Variants in TNFRSF8 observed in about 807,000 individuals in gnomAD.
The protein encoded by TNFRSF8 is TNF receptor superfamily member 8, also known as tumor necrosis factor receptor superfamily member 8.
In TNFRSF8, 26 loss-of-function variants were observed where a neutral mutation model predicts 70.8. The observed-to-expected ratio is 0.37, with a 90% CI of 0.27 to 0.51. The LOEUF is 0.51. Ranked by LOEUF, TNFRSF8 falls within the 20% of genes least tolerant of loss-of-function variation. The pLI is 0.94. For synonymous variants in TNFRSF8, 356 were observed against 339.2 expected (o/e 1.05, Z -0.54); for missense variants, 720 against 807.9 (o/e 0.89, Z 1.32).
In TNFRSF8 at chr1:12,119,724, C is replaced by G. The variant is rs1271410257; in HGVS notation, c.947-3560C>G. Among the ~76,000 whole-genome samples the G allele has an allele frequency of 6.6e-6, 1 of 152,086 alleles. No individual in the cohort carries two copies. The highest frequency in any genetic ancestry group is 1.5e-5 in the Non-Finnish European group (1 of 68,018). On this transcript the variant is annotated intron_variant, in intron 8 of 14. Coordinates refer to ENST00000263932, the MANE Select transcript of TNFRSF8 (RefSeq NM_001243.5). This position sits in a 1 kb window ranked among gnomAD's most constrained non-coding sequence, Gnocchi z 4.4. ...TCGGGCGATCCTCCCACCTCAGCCT[C>G]CCACAGTGCTGAGATTACTGGCATG...
At position 12,126,255 on chromosome 1, in the gene TNFRSF8, A is replaced by G; in HGVS notation, c.1309+19A>G. The G allele has an allele frequency of 6.2e-7, 1 of 1,614,036 alleles. No individual in the cohort carries two copies. Among genetic ancestry groups the G allele is most frequent in the Non-Finnish European group, 8.5e-7 (1 of 1,179,996 alleles). On this transcript the variant is annotated intron_variant, in intron 12 of 14. Transcript: ENST00000263932. ...CTTGTGGGTGAGTGTCCAGCCGTCC[A>G]AAGGGGCTGCCCGAGCCAGAGGAAC...
chr1:12,133,433 C>T lies in TNFRSF8; in HGVS notation c.1310-2155C>T, dbSNP rs188848292. Among the ~76,000 whole-genome samples the T allele has an allele frequency of 2.6e-5, 4 of 152,128 alleles. No homozygotes were observed. In the East Asian group the frequency reaches 7.7e-4, roughly 29 times the overall value. ...CTGGAGGGACCATGATTTAGTTTCA[C>T]TGACGTCATTGAAAAGAATGTGCCT... On this transcript the variant is annotated intron_variant, in intron 12 of 14. Coordinates refer to ENST00000263932, the MANE Select transcript of TNFRSF8 (RefSeq NM_001243.5).
chr1:12,098,540 G>A (rs1641368142), intron 3 of TNFRSF8, among the ~76,000 whole-genome samples: 1 of 152,042 alleles, frequency 6.6e-6, no homozygotes, highest in African/African-American at 2.4e-5. Context: ...TAAGAGAATG[G>A]CAACATATTT....
chr1:12,090,099 C>T (rs1055114530), intron 2 of TNFRSF8, among the ~76,000 whole-genome samples: 1 of 149,940 alleles, frequency 6.7e-6, no homozygotes, highest in Admixed American at 6.6e-5. Flanking sequence ...TTCCCTAACC[C>T]ATCCATCTAT....
intron 1 of TNFRSF8, among the ~76,000 whole-genome samples, chr1:12,076,528 G>T (rs1400312852): frequency 6.6e-6 from 1 of 152,112 alleles, no homozygotes; most frequent in Non-Finnish European, 1.5e-5. Flanking sequence ...TCCAGCCAGG[G>T]ACTCCAGGCT....
chr1:12,081,363 C>T (rs72641062), intron 1 of TNFRSF8, among the ~76,000 whole-genome samples: 2,560 of 152,258 alleles, frequency 0.017, 36 homozygotes, highest in Non-Finnish European at 0.021. Context: ...TGAGCCCTCA[C>T]ACCTCCAGCC....
At chr1:12,114,046 A>G (rs920559079) in intron 7 of TNFRSF8, among the ~76,000 whole-genome samples, 2 of 152,152 alleles carry the variant, frequency 1.3e-5, no homozygotes, top group Non-Finnish European at 2.9e-5. Context: ...GGGCCCAGTA[A>G]TTCCTTCAGC....
chr1:12,097,253 A>C (rs1335492231), intron 3 of TNFRSF8, 36 bp downstream of exon 3: 1 of 1,476,756 alleles, frequency 6.8e-7, no homozygotes, highest in African/African-American at 1.4e-5. Flanking sequence ...GCCTCCTTCT[A>C]GGGAGCATGA....
At position 12,106,912 on chromosome 1, in the gene TNFRSF8, A is replaced by G. The variant is rs539715467; in HGVS notation, c.421+2381A>G. On this transcript the variant is annotated intron_variant, in intron 4 of 14. Coordinates refer to ENST00000263932, the MANE Select transcript of TNFRSF8 (RefSeq NM_001243.5). ...ACTTCCCAAAAGTTTCCAGCTCAGA[A>G]ACTTCTGCATCTTTGTGAAAAACAT... Among the ~76,000 whole-genome samples, 114 of 152,340 alleles carry G rather than the reference A, an allele frequency of 7.5e-4. No individual in the cohort carries two copies. In the Middle Eastern group the frequency reaches 0.02, roughly 27 times the overall value.
intron 14 of TNFRSF8, among the ~76,000 whole-genome samples, chr1:12,140,739 T>C (rs995847616): frequency 6.6e-5 from 10 of 152,180 alleles, no homozygotes; most frequent in African/African-American, 1.9e-4. Flanking sequence ...CTGAGGAATG[T>C]GAGGGGACCA....
intron 1 of TNFRSF8, among the ~76,000 whole-genome samples, chr1:12,075,536 T>A (rs1022806726): frequency 3.3e-5 from 5 of 152,324 alleles, no homozygotes; most frequent in African/African-American, 1.2e-4. Flanking sequence ...TAAGTTCCCT[T>A]AAATTGCACT....
chr1:12,135,116 C>T (rs1288561830), intron 12 of TNFRSF8, among the ~76,000 whole-genome samples: 1 of 151,928 alleles, frequency 6.6e-6, no homozygotes, highest in Non-Finnish European at 1.5e-5. Context: ...GAGTTTGAGA[C>T]CGGCCTGGCC....
intron 12 of TNFRSF8, among the ~76,000 whole-genome samples, chr1:12,132,132 A>G (rs976648366): frequency 6.6e-6 from 1 of 152,196 alleles, no homozygotes; most frequent in East Asian, 1.9e-4. Context: ...AAAATTGGAG[A>G]AGACAGCACA....
intron 8 of TNFRSF8, 68 bp from the exon 9 acceptor site, chr1:12,123,216 G>T: frequency 7.1e-7 from 1 of 1,402,196 alleles, no homozygotes; most frequent in Non-Finnish European, 9.8e-7. Flanking sequence ...AGTCCCTGCT[G>T]GTTAACTCTT....
In TNFRSF8 at chr1:12,142,415, C is replaced by G. The variant is rs1047685636; in HGVS notation, c.1672C>G (p.Pro558Ala). 3.1e-6 allele frequency: 5 copies of G among 1,612,786 alleles called. No homozygotes were observed. In the African/African-American group the frequency reaches 4.0e-5, roughly 13 times the overall value. Residue 558 changes from proline (P) to alanine (A), a missense_variant, in exon 15 of 15, where the codon CCC becomes GCC. By Grantham distance (27) the Pro-to-Ala change is conservative. Coordinates refer to ENST00000263932, the MANE Select transcript of TNFRSF8 (RefSeq NM_001243.5). This position sits in a 1 kb window ranked among gnomAD's most constrained non-coding sequence, Gnocchi z 5.0. ...LEEELEADHTPHYPEQETEPP... is the reference protein window; with the variant it reads ...LEEELEADHTAHYPEQETEPP... ...GGAGGAGCTGGAGGCGGACCATACC[C>G]CCCACTACCCCGAGCAGGAGACAGA...
At chr1:12,111,107 G>A (rs1009902734) in intron 6 of TNFRSF8, among the ~76,000 whole-genome samples, 1 of 152,176 alleles carries the variant, frequency 6.6e-6, no homozygotes, top group Non-Finnish European at 1.5e-5. Context: ...TTGGGTTGGA[G>A]CTCTTTTCCT....
In TNFRSF8 at chr1:12,063,499, C is replaced by T; in HGVS notation, c.-100C>T. Reference sequence around the variant, plus strand: ...TGTGCTGGAGCCTGAAGTCCACGCGCGCGGCTGAGAACCGCCGGGACCGCA... The same window carrying T: ...TGTGCTGGAGCCTGAAGTCCACGCGTGCGGCTGAGAACCGCCGGGACCGCA... On this transcript the variant is annotated 5_prime_UTR_variant, in exon 1 of 15. Transcript: ENST00000263932. This position sits in a 1 kb window ranked among gnomAD's most constrained non-coding sequence, Gnocchi z 7.2. The T allele has an allele frequency of 1.8e-6, 2 of 1,102,280 alleles. No individual in the cohort carries two copies. The highest frequency in any genetic ancestry group is 3.0e-5 in the South Asian group (1 of 33,440). The allele number at this position is 1,102,280 out of a possible 1,614,324, so 68.3% of individuals were successfully genotyped here.
rs765937119 is a variant in TNFRSF8 at position 12,129,371 on chromosome 1, C to T, written c.1309+3135C>T. Reference sequence around the variant, plus strand: ...CAGACAGACAAGGGTGTATTTTACACGATGTGGTAAGGATCGTCAGAATTG... The same window carrying T: ...CAGACAGACAAGGGTGTATTTTACATGATGTGGTAAGGATCGTCAGAATTG... On this transcript the variant is annotated intron_variant, in intron 12 of 14. Coordinates refer to ENST00000263932, the MANE Select transcript of TNFRSF8 (RefSeq NM_001243.5). Among the ~76,000 whole-genome samples the T allele has an allele frequency of 7.8e-4, 118 of 152,130 alleles. 4 individuals are homozygous for T. The highest frequency in any genetic ancestry group is 2.5e-4 in the Non-Finnish European group (17 of 68,020).
chr1:12,140,784 CA>C (rs1050308380), intron 14 of TNFRSF8, among the ~76,000 whole-genome samples: 123 of 152,252 alleles, frequency 8.1e-4, no homozygotes, highest in African/African-American at 2.9e-3. Context: ...CTCCCTAATC[CA>C]GCACCCCCAC....
Sources: allele counts gnomAD v4.1 joint callset (sites outside exome capture counted in the v4.1 genomes callset), GRCh38; gene constraint gnomAD v4.1.1; non-coding constraint Gnocchi (gnomAD v3.1); transcripts MANE v1.5; gene names NCBI Gene and HGNC (gene_info 2026-07-23, HGNC 2026-07-21).